The following KIF1B variants were observed in gnomAD, a reference collection of about 807,000 sequenced individuals.
KIF1B encodes kinesin family member 1B.
A neutral mutation model predicts 241.9 loss-of-function variants in KIF1B; 76 were observed. The observed-to-expected ratio is 0.31, with a 90% CI of 0.26 to 0.38. KIF1B has a LOEUF of 0.38. Among genes scored for constraint, KIF1B ranks in the 10% least tolerant of loss-of-function variants. The pLI is 1.00. For synonymous variants in KIF1B, 750 were observed against 796.7 expected, an observed-to-expected ratio of 0.94 and a Z score of 0.99; for missense variants, 1,622 against 2,271.4, an observed-to-expected ratio of 0.71 and a Z score of 5.81.
chr1:10,269,514 C>CAA (rs1324325927), intron 7 of KIF1B, among the ~76,000 whole-genome samples: 36 of 80,950 alleles, frequency 4.4e-4, no homozygotes, highest in African/African-American at 1.0e-3. Flanking sequence ...GACTCTGTCT[C>CAA]AAAAAAAAAA....
chr1:10,296,773 T>A, intron 20 of KIF1B, 108 bp downstream of exon 20: 1 of 1,389,734 alleles, frequency 7.2e-7, no homozygotes, highest in Non-Finnish European at 1.0e-6. Context: ...ATTAGGATTT[T>A]TGTTCTTGTA....
rs1452720086 is a variant in KIF1B at position 10,375,989 on chromosome 1, G to A, written c.5409-556G>A. Among the ~76,000 whole-genome samples the A allele has an allele frequency of 2.0e-5, 3 of 150,424 alleles. No individual in the cohort carries two copies. The East Asian group carries it at 5.9e-4, about 30-fold the overall frequency. Reference sequence around the variant, plus strand: ...TTTTTTTTTTTGTATTTTTAGTAGAGATGGGGTTTCACCATGTTGGCCAGG... The same window carrying A: ...TTTTTTTTTTTGTATTTTTAGTAGAAATGGGGTTTCACCATGTTGGCCAGG... On this transcript the variant is annotated intron_variant, in intron 48 of 48. Coordinates refer to ENST00000676179, the MANE Select transcript of KIF1B (RefSeq NM_001365951.3).
chr1:10,378,540 A>G lies in KIF1B; in HGVS notation c.*1953A>G. The G allele has an allele frequency of 1.5e-6, 1 of 682,062 alleles. No individual in the cohort carries two copies. The highest frequency in any genetic ancestry group is 2.7e-6 in the Non-Finnish European group (1 of 369,080). 42.3% of individuals were successfully genotyped at this position (682,062 alleles called of 1,614,324 possible). A position where few individuals can be genotyped will look rare whatever the true frequency, so the allele number is the denominator to read the frequency against. On this transcript the variant is annotated 3_prime_UTR_variant, in exon 49 of 49. Coordinates refer to ENST00000676179, the MANE Select transcript of KIF1B (RefSeq NM_001365951.3). ...TTTCACCATTGCTCAGGCATTCAGGAAAGTATCTGCTCACTCCCACTTGGT... is the reference window on the plus strand; with the variant it reads ...TTTCACCATTGCTCAGGCATTCAGGGAAGTATCTGCTCACTCCCACTTGGT...
chr1:10,331,109 A>G (rs930126538), intron 27 of KIF1B, among the ~76,000 whole-genome samples: 2 of 148,890 alleles, frequency 1.3e-5, no homozygotes, highest in Non-Finnish European at 3.0e-5. Context: ...AAAAAAAAAA[A>G]GACATCAAAG....
chr1:10,231,733 A>G (rs1646986405), intron 1 of KIF1B, among the ~76,000 whole-genome samples: 3 of 152,076 alleles, frequency 2.0e-5, no homozygotes, highest in Admixed American at 2.0e-4. Context: ...GCACGTGGAA[A>G]GTTATCTGTT....
Position 10,374,710 on chromosome 1 carries a change from C to A in KIF1B, c.5097-144C>A. On this transcript the variant is annotated intron_variant, in intron 46 of 48. Transcript: ENST00000676179. This position sits in a 1 kb window ranked among gnomAD's most constrained non-coding sequence, Gnocchi z 4.3. ...TTTCGCTTTTGCCGTATTACTTTGG[C>A]AGATAAGATTCTAGGCCAAATAGGT... 1 of 936,682 alleles carries A rather than the reference C, an allele frequency of 1.1e-6. No individual in the cohort carries two copies. Among genetic ancestry groups the A allele is most frequent in the Non-Finnish European group, 1.7e-6 (1 of 590,966 alleles). 58.0% of individuals were successfully genotyped at this position (936,682 alleles called of 1,614,324 possible).
At chr1:10,368,625 T>C in intron 44 of KIF1B, 87 bp downstream of exon 44, 1 of 1,152,946 alleles carries the variant, frequency 8.7e-7, no homozygotes, top group Non-Finnish European at 1.3e-6. Context: ...TGGTTTTTGC[T>C]GCTTTTAAGC....
At position 10,292,984 on chromosome 1, in the gene KIF1B, A is replaced by G. The variant is rs183893784; in HGVS notation, c.1590+862A>G. ...GATGATCTCTCTAAGTTAGGATACA[A>G]GGGGTGGTGAGTTTTGAATTGGTAC... On this transcript the variant is annotated intron_variant, in intron 17 of 48. Transcript: ENST00000676179. 6.6e-5 allele frequency among the ~76,000 whole-genome samples: 10 copies of G among 152,268 alleles called. No homozygotes were observed. In the East Asian group the frequency reaches 1.9e-3, roughly 29 times the overall value.
At position 10,365,378 on chromosome 1, in the gene KIF1B, T is replaced by G; in HGVS notation, c.4513-31T>G. The G allele has an allele frequency of 6.2e-7, 1 of 1,614,174 alleles. No individual in the cohort carries two copies. The highest frequency in any genetic ancestry group is 1.3e-5 in the African/African-American group (1 of 75,036). ...TCCTGAGGTCTTAACGAGCTTTGTG[T>G]TTGCTATAGCAGTAGTATTGATCTT... On this transcript the variant is annotated intron_variant, in intron 42 of 48. Transcript: ENST00000676179. This position sits in a 1 kb window ranked among gnomAD's most constrained non-coding sequence, Gnocchi z 4.0.
At chr1:10,364,295 C>T (rs1415462045) in intron 41 of KIF1B, among the ~76,000 whole-genome samples, 1 of 150,124 alleles carries the variant, frequency 6.7e-6, no homozygotes, top group African/African-American at 2.5e-5. Context: ...ACCTCTGCCT[C>T]CTGGGTTCAA....
chr1:10,213,686 T>C (rs1355060657), intron 1 of KIF1B, among the ~76,000 whole-genome samples: 1 of 152,216 alleles, frequency 6.6e-6, no homozygotes, highest in Non-Finnish European at 1.5e-5. Flanking sequence ...CATGTATTTC[T>C]CTTTGAAAGA....
chr1:10,323,933 C>T lies in KIF1B; in HGVS notation c.2408C>T (p.Pro803Leu), dbSNP rs1185947977. 3 of 1,614,126 alleles carry T rather than the reference C, an allele frequency of 1.9e-6. No individual in the cohort carries two copies. The highest frequency in any genetic ancestry group is 1.7e-6 in the Non-Finnish European group (2 of 1,179,974). ...ACTGACACACTGTACTCCCCTTTGC[C>T]TCCTGAATTACTTCCCACTGAGATG... ...LLTDTLYSPL[P>L]PELLPTEMEK... Residue 803 changes from proline to leucine, a missense_variant, in exon 25 of 49, where the codon CCT becomes CTT. Physicochemically the swap from Pro to Leu is moderately conservative, Grantham distance 98. Around this residue, in one of 7 missense-constraint regions of KIF1B, gnomAD observed 803 missense variants for 1,112.0 expected, o/e 0.72. Coordinates refer to ENST00000676179, the MANE Select transcript of KIF1B (RefSeq NM_001365951.3).
chr1:10,348,434 A>T (rs1352423141), intron 36 of KIF1B, among the ~76,000 whole-genome samples: 2 of 152,208 alleles, frequency 1.3e-5, no homozygotes, highest in African/African-American at 4.8e-5. Context: ...AGAATTTTTT[A>T]AAAAAGAAAA....
chr1:10,211,142 GC>G (rs918974899), intron 1 of KIF1B, among the ~76,000 whole-genome samples: 3 of 152,176 alleles, frequency 2.0e-5, no homozygotes, highest in African/African-American at 7.2e-5. Context: ...GCGCTGCCAG[GC>G]CCCGGCTGTG....
At position 10,376,664 on chromosome 1, in the gene KIF1B, G is replaced by A. The variant is rs1638898230; in HGVS notation, c.*77G>A. The A allele has an allele frequency of 7.1e-7, 1 of 1,411,654 alleles. No individual in the cohort carries two copies. The highest frequency in any genetic ancestry group is 1.0e-6 in the Non-Finnish European group (1 of 996,958). The allele number at this position is 1,411,654 out of a possible 1,614,324, so 87.4% of individuals were successfully genotyped here. On this transcript the variant is annotated 3_prime_UTR_variant, in exon 49 of 49. Transcript: ENST00000676179. ...CCTCTCATTTCTCTTTGTGATTCTT[G>A]ACGGTGACTCTTGTATGTAATCCTG...
In KIF1B at chr1:10,374,529, G is replaced by C; in HGVS notation, c.5096+64G>C. The C allele has an allele frequency of 6.5e-7, 1 of 1,548,230 alleles. No homozygotes were observed. The highest frequency in any genetic ancestry group is 8.9e-7 in the Non-Finnish European group (1 of 1,121,758). On this transcript the variant is annotated intron_variant, in intron 46 of 48. Coordinates refer to ENST00000676179, the MANE Select transcript of KIF1B (RefSeq NM_001365951.3). The surrounding 1 kb of genome is among the most constrained non-coding windows in gnomAD (Gnocchi z 4.3). ...ACAAATCCACAGGAAGAAGTGACTGGCCAGCTCTTCCCTGTGAGGTCTGTA... is the reference window on the plus strand; with the variant it reads ...ACAAATCCACAGGAAGAAGTGACTGCCCAGCTCTTCCCTGTGAGGTCTGTA...
At chr1:10,306,155 G>A (rs1167217292) in intron 22 of KIF1B, 1 of 1,039,258 alleles carries the variant, frequency 9.6e-7, no homozygotes, top group Non-Finnish European at 1.2e-6. Context: ...TCCAATTAAT[G>A]TTTTTTTCCC....
chr1:10,274,965 G>GTGT (rs774290065), intron 10 of KIF1B: 5 of 367,050 alleles, frequency 1.4e-5, no homozygotes, highest in Non-Finnish European at 2.6e-5. Flanking sequence ...TAATAGTATT[G>GTGT]TGTTGATGTT....
intron 2 of KIF1B, among the ~76,000 whole-genome samples, chr1:10,244,272 A>T (rs1647175619): frequency 6.6e-6 from 1 of 150,384 alleles, no homozygotes; most frequent in African/African-American, 2.4e-5. Flanking sequence ...TAAGCAGTGT[A>T]TAAAATATTT....
Sources: allele counts gnomAD v4.1 joint callset (sites outside exome capture counted in the v4.1 genomes callset), GRCh38; gene constraint gnomAD v4.1.1; regional missense constraint gnomAD v4.1.1; non-coding constraint Gnocchi (gnomAD v3.1); transcripts MANE v1.5; gene names NCBI Gene and HGNC (gene_info 2026-07-23, HGNC 2026-07-21).